The following RNF220 variants were observed in gnomAD, a reference collection of about 807,000 sequenced individuals.
RNF220 encodes ring finger protein 220, also known as E3 ubiquitin-protein ligase RNF220.
RNF220 carries 7 observed loss-of-function variants against 67.1 expected under a neutral mutation model. That is an observed-to-expected ratio of 0.10 (90% CI 0.06 to 0.20). RNF220 has a LOEUF of 0.20. Among genes scored for constraint, RNF220 ranks in the 10% least tolerant of loss-of-function variants. RNF220 has a pLI of 1.00. For synonymous variants in RNF220, 270 were observed against 283.2 expected, an observed-to-expected ratio of 0.95 and a Z score of 0.47; for missense variants, 565 against 740.3, an observed-to-expected ratio of 0.76 and a Z score of 2.75.
At chr1:44,450,096 C>T (rs921821619) in intron 2 of RNF220, among the ~76,000 whole-genome samples, 1 of 152,136 alleles carries the variant, frequency 6.6e-6, no homozygotes, top group Admixed American at 6.5e-5. Flanking sequence ...GTAATCCCAG[C>T]TACCCCGGAG....
intron 1 of RNF220, among the ~76,000 whole-genome samples, chr1:44,410,882 C>G (rs1647890930): frequency 6.6e-6 from 1 of 152,144 alleles, no homozygotes; most frequent in African/African-American, 2.4e-5. Context: ...TAGCCCTTCT[C>G]CCAGCCCCCA....
chr1:44,432,700 CCCAGTAGCT>C (rs563034270), intron 2 of RNF220, among the ~76,000 whole-genome samples: 12 of 152,096 alleles, frequency 7.9e-5, no homozygotes, highest in Non-Finnish European at 1.2e-4. Flanking sequence ...CATTAGCCTC[CCCAGTAGCT>C]GGAACGACAG....
At chr1:44,640,991 G>A (rs1209671082) in intron 8 of RNF220, among the ~76,000 whole-genome samples, 1 of 152,070 alleles carries the variant, frequency 6.6e-6, no homozygotes, top group African/African-American at 2.4e-5. Flanking sequence ...CCCAGTAAAC[G>A]GGCATCTCCA....
intron 2 of RNF220, among the ~76,000 whole-genome samples, chr1:44,484,807 C>G (rs140971638): frequency 3.0e-4 from 46 of 152,294 alleles, no homozygotes; most frequent in African/African-American, 1.1e-3. Flanking sequence ...ATTGTACAGT[C>G]TAGATGTACA....
intron 1 of RNF220, among the ~76,000 whole-genome samples, chr1:44,407,143 C>T (rs921808654): frequency 2.6e-5 from 4 of 152,134 alleles, no homozygotes; most frequent in Non-Finnish European, 5.9e-5. Context: ...CGGCCCGGGT[C>T]GTCTGGGGTC....
intron 3 of RNF220, among the ~76,000 whole-genome samples, chr1:44,620,165 C>T (rs373246405): frequency 7.2e-5 from 11 of 152,254 alleles, no homozygotes; most frequent in African/African-American, 2.7e-4. Context: ...AATTAAAAGC[C>T]AGCACTGTGG....
chr1:44,537,284 T>C (rs555287805), intron 2 of RNF220, among the ~76,000 whole-genome samples: 16 of 152,280 alleles, frequency 1.1e-4, no homozygotes, highest in African/African-American at 3.8e-4. Context: ...TTTGAACATA[T>C]CCAGTGATGG....
At chr1:44,502,052 A>AACACACACACAC (rs56978327) in intron 2 of RNF220, among the ~76,000 whole-genome samples, 134 of 121,846 alleles carry the variant, frequency 1.1e-3, no homozygotes, top group African/African-American at 3.5e-3. Context: ...ACACCACTGA[A>AACACACACACAC]ACACACACAC....
chr1:44,407,806 C>T lies in RNF220; in HGVS notation c.-118+2276C>T, dbSNP rs909365050. 3.9e-5 allele frequency among the ~76,000 whole-genome samples: 6 copies of T among 152,194 alleles called. 1 individual carries two copies. The South Asian group carries it at 6.2e-4, about 16-fold the overall frequency. On this transcript the variant is annotated intron_variant, in intron 1 of 14. Transcript: ENST00000361799. ...GAGTGGAGGAGTCCGCGGCTGCCCG[C>T]TGAAGCGGTGGTGCGCGCGGCGGCG...
chr1:44,407,629 A>T (rs562635501), intron 1 of RNF220, among the ~76,000 whole-genome samples: 1 of 151,952 alleles, frequency 6.6e-6, no homozygotes, highest in Non-Finnish European at 1.5e-5. Flanking sequence ...GCGAGCGGGG[A>T]CACACACCTG....
chr1:44,467,225 T>C lies in RNF220; in HGVS notation c.625+54503T>C, dbSNP rs150050102. 8.0e-3 allele frequency among the ~76,000 whole-genome samples: 1,219 copies of C among 152,348 alleles called. 18 individuals are homozygous for C. Among genetic ancestry groups the C allele is most frequent in the African/African-American group, 0.028 (1,147 of 41,580 alleles). On this transcript the variant is annotated intron_variant, in intron 2 of 14. Coordinates refer to ENST00000361799, the MANE Select transcript of RNF220 (RefSeq NM_018150.4). ...TCAAACTTTTTTTTTTCCTCTTTTC[T>C]TTTGAGATGGAATTTCGCTCTTGTT... is the stretch of plus-strand genomic sequence containing the variant.
rs141510543 is a variant in RNF220 at position 44,478,819 on chromosome 1, G to A, written c.625+66097G>A. On this transcript the variant is annotated intron_variant, in intron 2 of 14. Coordinates refer to ENST00000361799, the MANE Select transcript of RNF220 (RefSeq NM_018150.4). Reference sequence around the variant, plus strand: ...AATGTTGACAGGTCCCACGGTCCTAGGGGTTGAGAATGCTCTCTGATTAGG... The same window carrying A: ...AATGTTGACAGGTCCCACGGTCCTAAGGGTTGAGAATGCTCTCTGATTAGG... 2.4e-3 allele frequency among the ~76,000 whole-genome samples: 360 copies of A among 152,276 alleles called. 3 individuals are homozygous for A. Among genetic ancestry groups the A allele is most frequent in the Middle Eastern group, 0.01 (3 of 294 alleles).
rs143729997 is a variant in RNF220 at position 44,568,269 on chromosome 1, C to A, written c.626-45896C>A. On this transcript the variant is annotated intron_variant, in intron 2 of 14. Transcript: ENST00000361799. The stretch of plus-strand genomic sequence containing the variant: ...AGTTCTGCCTCCCTCAGCCTCCCTG[C>A]ACTCATCCCCACCTCACTCTGCTCC... 1.9e-3 allele frequency among the ~76,000 whole-genome samples: 288 copies of A among 152,324 alleles called. 2 individuals carry two copies. Among genetic ancestry groups the A allele is most frequent in the African/African-American group, 6.7e-3 (278 of 41,568 alleles).
At chr1:44,598,389 C>T (rs1262946809) in intron 2 of RNF220, among the ~76,000 whole-genome samples, 1 of 152,190 alleles carries the variant, frequency 6.6e-6, no homozygotes, top group Non-Finnish European at 1.5e-5. Context: ...GGGCTCAGGA[C>T]GGAAGCTGGG....
At chr1:44,560,453 G>A (rs576898081) in intron 2 of RNF220, among the ~76,000 whole-genome samples, 10 of 152,290 alleles carry the variant, frequency 6.6e-5, no homozygotes, top group Non-Finnish European at 1.3e-4. Context: ...AAAGGATGCC[G>A]GCTGGAAACT....
intron 3 of RNF220, among the ~76,000 whole-genome samples, chr1:44,615,253 C>T (rs967294552): frequency 6.6e-6 from 1 of 152,188 alleles, no homozygotes; most frequent in African/African-American, 2.4e-5. Flanking sequence ...AGCTGGATCA[C>T]CTTTTATAAC....
intron 8 of RNF220, among the ~76,000 whole-genome samples, chr1:44,638,902 T>C (rs1644408011): frequency 6.6e-6 from 1 of 152,218 alleles, no homozygotes; most frequent in Non-Finnish European, 1.5e-5. Context: ...AAGGAATTTT[T>C]GCTGCCTAGG....
At chr1:44,494,277 G>A (rs1380002055) in intron 2 of RNF220, among the ~76,000 whole-genome samples, 1 of 151,562 alleles carries the variant, frequency 6.6e-6, no homozygotes, top group African/African-American at 2.4e-5. Context: ...GAGAAGGGAT[G>A]AAGGGATAAA....
chr1:44,555,697 G>A (rs372490873), intron 2 of RNF220, among the ~76,000 whole-genome samples: 1 of 148,946 alleles, frequency 6.7e-6, no homozygotes, highest in Non-Finnish European at 1.5e-5. Context: ...GGATGGTCTC[G>A]ATCTCCTGAC....
Sources: allele counts gnomAD v4.1 joint callset (sites outside exome capture counted in the v4.1 genomes callset), GRCh38; gene constraint gnomAD v4.1.1; transcripts MANE v1.5; gene names NCBI Gene and HGNC (gene_info 2026-07-23, HGNC 2026-07-21).